Variants in CTNNA3 observed in about 807,000 individuals in gnomAD.
CTNNA3 encodes the protein catenin alpha-3.
Under a neutral mutation model 95.7 loss-of-function variants are expected in CTNNA3, and 76 were observed. That is an observed-to-expected ratio of 0.79 (90% CI 0.66 to 0.96). The LOEUF (loss-of-function observed/expected upper bound fraction) is 0.96. Among genes scored for constraint, CTNNA3 ranks in the 40% least tolerant of loss-of-function variants. The pLI is 0.00. For missense variants in CTNNA3, 1,191 were observed against 1,089.8 expected, an observed-to-expected ratio of 1.09 and a Z score of -1.31; for synonymous variants, 431 against 374.4, an observed-to-expected ratio of 1.15 and a Z score of -1.74.
chr10:66,228,777 TC>T (rs1339822045), intron 13 of CTNNA3, among the ~76,000 whole-genome samples: 2 of 152,160 alleles, frequency 1.3e-5, no homozygotes, highest in Non-Finnish European at 2.9e-5. Flanking sequence ...GGAGTATATT[TC>T]TTCTATTCGT....
At chr10:67,722,125 G>T (rs926257087) in intron 1 of CTNNA3, among the ~76,000 whole-genome samples, 11 of 152,102 alleles carry the variant, frequency 7.2e-5, no homozygotes, top group Non-Finnish European at 1.3e-4. Flanking sequence ...GGTTCCCCTT[G>T]TTCATATACA....
At chr10:67,019,311 C>G (rs1003797407) in intron 7 of CTNNA3, among the ~76,000 whole-genome samples, 1 of 152,086 alleles carries the variant, frequency 6.6e-6, no homozygotes, top group African/African-American at 2.4e-5. Context: ...CTCTGCCTTC[C>G]GGGTCCAAGC....
At chr10:66,690,022 C>A (rs9665600) in intron 9 of CTNNA3, among the ~76,000 whole-genome samples, 1 of 151,862 alleles carries the variant, frequency 6.6e-6, no homozygotes, top group East Asian at 1.9e-4. Flanking sequence ...CTGCAGAGAA[C>A]AAAAGGACAA....
chr10:66,169,837 T>C (rs1214267676), intron 13 of CTNNA3, among the ~76,000 whole-genome samples: 1 of 152,210 alleles, frequency 6.6e-6, no homozygotes, highest in African/African-American at 2.4e-5. Flanking sequence ...GAATTTTCTA[T>C]TCATGTCCTT....
At chr10:66,112,785 G>T (rs916729977) in intron 13 of CTNNA3, among the ~76,000 whole-genome samples, 1 of 151,088 alleles carries the variant, frequency 6.6e-6, no homozygotes, top group Non-Finnish European at 1.5e-5. Flanking sequence ...CACACTTGTC[G>T]TTGCATATGA....
intron 7 of CTNNA3, among the ~76,000 whole-genome samples, chr10:66,955,887 G>A (rs1246213120): frequency 1.3e-5 from 2 of 152,094 alleles, no homozygotes; most frequent in Non-Finnish European, 2.9e-5. Context: ...TGACTGGGGG[G>A]TATCTTTCTC....
At chr10:66,042,005 T>C (rs191470273) in intron 15 of CTNNA3, among the ~76,000 whole-genome samples, 23 of 152,348 alleles carry the variant, frequency 1.5e-4, no homozygotes, top group African/African-American at 5.1e-4. Context: ...CAAGCTCCTT[T>C]GTCACATTCT....
At chr10:67,454,212 T>C (rs1170726512) in intron 5 of CTNNA3, among the ~76,000 whole-genome samples, 1 of 152,182 alleles carries the variant, frequency 6.6e-6, no homozygotes, top group Non-Finnish European at 1.5e-5. Flanking sequence ...CAACATCTTT[T>C]AAATTTGAAC....
chr10:66,139,204 A>G (rs1189079789), intron 13 of CTNNA3, among the ~76,000 whole-genome samples: 1 of 152,198 alleles, frequency 6.6e-6, no homozygotes, highest in African/African-American at 2.4e-5. Context: ...CGAGAAATAA[A>G]ACTATATTTT....
At chr10:67,702,654 A>T (rs892723426) in intron 1 of CTNNA3, among the ~76,000 whole-genome samples, 77 of 152,214 alleles carry the variant, frequency 5.1e-4, no homozygotes, top group African/African-American at 1.7e-3. Context: ...TATAGCACTA[A>T]ATGCCCACAA....
chr10:66,925,958 A>C (rs919994167), intron 7 of CTNNA3: 1 of 454,054 alleles, frequency 2.2e-6, no homozygotes, highest in African/African-American at 2.0e-5. Context: ...TAAAAGAGAG[A>C]CATTTCTGCA....
At chr10:66,446,136 T>A (rs1194837083) in intron 11 of CTNNA3, among the ~76,000 whole-genome samples, 3 of 152,154 alleles carry the variant, frequency 2.0e-5, no homozygotes, top group Non-Finnish European at 4.4e-5. Flanking sequence ...AAAAGTTGAA[T>A]CTCTGAATAG....
intron 9 of CTNNA3, among the ~76,000 whole-genome samples, chr10:66,684,298 A>G (rs751271122): frequency 6.6e-6 from 1 of 152,198 alleles, no homozygotes; most frequent in Non-Finnish European, 1.5e-5. Flanking sequence ...ATAGAGAATT[A>G]TCTAGCTGAG....
In CTNNA3 at chr10:66,980,587, C is replaced by A. The variant is rs1850371809; in HGVS notation, c.1047+199730G>T. ...TCCTACCCACCTGTGATTAAATGAG[C>A]CAAATGAGTAGCAACGTGGCAGATG... is the stretch of plus-strand genomic sequence containing the variant. On this transcript the variant is annotated intron_variant, in intron 7 of 17. Coordinates refer to ENST00000433211, the MANE Select transcript of CTNNA3 (RefSeq NM_013266.4). Among the ~76,000 whole-genome samples, 2 of 145,550 alleles carry A rather than the reference C, an allele frequency of 1.4e-5. 1 individual carries two copies. The highest frequency in any genetic ancestry group is 4.3e-4 in the South Asian group (2 of 4,674).
At chr10:66,272,719 T>C (rs1589907023) in intron 13 of CTNNA3, among the ~76,000 whole-genome samples, 1 of 152,206 alleles carries the variant, frequency 6.6e-6, no homozygotes, top group African/African-American at 2.4e-5. Context: ...CCTGTCACTA[T>C]ATTTTAAACT....
intron 5 of CTNNA3, among the ~76,000 whole-genome samples, chr10:67,386,679 C>T (rs1194057697): frequency 6.6e-6 from 1 of 152,046 alleles, no homozygotes; most frequent in African/African-American, 2.4e-5. Flanking sequence ...TCCCAATGGC[C>T]TTTGTATATG....
At chr10:66,619,700 C>A (rs957944542) in intron 10 of CTNNA3, among the ~76,000 whole-genome samples, 6 of 149,736 alleles carry the variant, frequency 4.0e-5, no homozygotes, top group African/African-American at 9.8e-5. Flanking sequence ...TACCCTAAAA[C>A]TTAAAGTATA....
chr10:66,263,085 G>A (rs910078327), intron 13 of CTNNA3, among the ~76,000 whole-genome samples: 5 of 151,910 alleles, frequency 3.3e-5, no homozygotes, highest in Non-Finnish European at 4.4e-5. Flanking sequence ...ACAGACATAC[G>A]GTTGGAAGAG....
chr10:66,331,291 C>G (rs943331362), intron 12 of CTNNA3, among the ~76,000 whole-genome samples: 9 of 148,872 alleles, frequency 6.0e-5, no homozygotes, highest in Non-Finnish European at 1.0e-4. Flanking sequence ...ATATGGCTAG[C>G]CAGTTTTCCC....
Sources: gnomAD v4.1 joint callset for allele counts (sites outside exome capture counted in the v4.1 genomes callset) on GRCh38, gnomAD v4.1.1 for gene constraint, MANE v1.5 for transcripts, NCBI Gene and HGNC (gene_info 2026-07-23, HGNC 2026-07-21) for gene names.